RAB5B: variants seen among roughly 807,000 people sequenced by gnomAD.
The protein encoded by RAB5B is RAB5B, member RAS oncogene family, also known as ras-related protein Rab-5B.
RAB5B carries 11 observed loss-of-function variants against 28.6 expected under a neutral mutation model. The ratio of observed to expected loss-of-function variants is 0.38; its 90% CI spans 0.24 to 0.64. The LOEUF is 0.64. RAB5B is among the 30% of genes least tolerant of loss of function. The probability of loss-of-function intolerance (pLI) is 0.53; values close to 1 mark genes in which losing one functional copy is unlikely to be tolerated. For missense variants in RAB5B, 169 were observed against 265.6 expected (o/e 0.64, Z 2.53); for synonymous variants, 93 against 97.9 (o/e 0.95, Z 0.29).
At chr12:55,974,374 C>A (rs1341448478) in intron 1 of RAB5B, among the ~76,000 whole-genome samples, 1 of 152,124 alleles carries the variant, frequency 6.6e-6, no homozygotes, top group Non-Finnish European at 1.5e-5. Flanking sequence ...GTGGCGGCGG[C>A]CAGGCCGAGG....
rs1452580084 is a variant in RAB5B, at chr12:55,993,588, T to C, written c.*1376T>C. ...TTTTCTACTTCCTTGTAAATAGGTA[T>C]GATCTTTATTCCCACTGTACAGTCT... On this transcript the variant is annotated 3_prime_UTR_variant, in exon 6 of 6. Coordinates refer to ENST00000360299, the MANE Select transcript of RAB5B (RefSeq NM_002868.4). 5 of 152,648 alleles carry C rather than the reference T, an allele frequency of 3.3e-5. No homozygotes were observed. The highest frequency in any genetic ancestry group is 1.2e-4 in the African/African-American group (5 of 41,442). 9.5% of individuals were successfully genotyped at this position (152,648 alleles called of 1,614,324 possible).
At chr12:55,985,343 A>C (rs1476997388) in intron 1 of RAB5B, among the ~76,000 whole-genome samples, 2 of 152,240 alleles carry the variant, frequency 1.3e-5, no homozygotes, top group African/African-American at 4.8e-5. Context: ...TTCCCCACAT[A>C]TGCCATAGAG....
chr12:55,989,142 A>G (rs542416729), intron 2 of RAB5B, among the ~76,000 whole-genome samples: 22 of 145,240 alleles, frequency 1.5e-4, no homozygotes, highest in African/African-American at 5.3e-4. Context: ...GGGTTTCACT[A>G]TGTTGGCCAG....
In RAB5B at chr12:55,992,673, G is replaced by A. The variant is rs1297574060; in HGVS notation, c.*461G>A. Reference sequence around the variant, plus strand: ...GTGAACCCAGGAACTGAGGAAGGAGGTTTCCAGTTCATTTACATTAAGGGC... The same window carrying A: ...GTGAACCCAGGAACTGAGGAAGGAGATTTCCAGTTCATTTACATTAAGGGC... On this transcript the variant is annotated 3_prime_UTR_variant, in exon 6 of 6. Transcript: ENST00000360299. 1.5e-5 allele frequency: 6 copies of A among 392,900 alleles called. No homozygotes were observed. Among genetic ancestry groups the A allele is most frequent in the Non-Finnish European group, 2.9e-5 (6 of 207,998 alleles). 24.3% of individuals were successfully genotyped at this position (392,900 alleles called of 1,614,324 possible). A position where few individuals can be genotyped will look rare whatever the true frequency, so the allele number is the denominator to read the frequency against.
In RAB5B at chr12:55,986,800, CCTT is replaced by C. The variant is rs148549210; in HGVS notation, c.-92-66_-92-64del. On this transcript the variant is annotated intron_variant, in intron 1 of 5. Transcript: ENST00000360299. ...AAGCAAGGAGATGAAGAGGTTCTAT[CCTT>C]CTCTGAAAAGCGATTGCAGCTTCAA... 8.5e-3 allele frequency: 5,570 copies of C among 651,466 alleles called. 240 individuals are homozygous for C. The African/African-American group carries it at 0.09, about 11-fold the overall frequency. The allele number at this position is 651,466 out of a possible 1,614,324, so 40.4% of individuals were successfully genotyped here. A position where few individuals can be genotyped will look rare whatever the true frequency, so the allele number is the denominator to read the frequency against.
Position 55,992,264 on chromosome 12 carries a change from A to T in RAB5B, c.*52A>T. On this transcript the variant is annotated 3_prime_UTR_variant, in exon 6 of 6. Coordinates refer to ENST00000360299, the MANE Select transcript of RAB5B (RefSeq NM_002868.4). ...GGAGCTAGCACAAGAGCTAAGAAAT[A>T]ACCTCCATCCCTACCCCTCAGCACA... 5 of 1,451,870 alleles carry T rather than the reference A, an allele frequency of 3.4e-6. No homozygotes were observed. Among genetic ancestry groups the T allele is most frequent in the Non-Finnish European group, 4.8e-6 (5 of 1,037,458 alleles). The allele number at this position is 1,451,870 out of a possible 1,614,324, so 89.9% of individuals were successfully genotyped here.
Position 55,990,777 on chromosome 12 carries a change from G to A in RAB5B, c.411G>A (p.Leu137=). ...VIALAGNKAD[L]ANKRMVEYEE... is the part of the protein sequence containing the mutation. ...CCCTGGCAGGGAACAAAGCTGACCTGGCCAACAAACGTATGGTGGAGTATG... is the reference window on the plus strand; with the variant it reads ...CCCTGGCAGGGAACAAAGCTGACCTAGCCAACAAACGTATGGTGGAGTATG... Residue 137 remains leucine (L), a synonymous_variant, in exon 4 of 6, where the codon CTG becomes CTA. Coordinates refer to ENST00000360299, the MANE Select transcript of RAB5B (RefSeq NM_002868.4). 1 of 1,614,084 alleles carries A rather than the reference G, an allele frequency of 6.2e-7. No individual in the cohort carries two copies. The highest frequency in any genetic ancestry group is 8.5e-7 in the Non-Finnish European group (1 of 1,179,956).
rs1890278218 is a variant in RAB5B, at chr12:55,995,950, T to TCTCTCTCACTCTCTCTCTCTCC, written c.*3739_*3760dup. 1.5e-5 allele frequency: 2 copies of TCTCTCTCACTCTCTCTCTCTCC among 136,782 alleles called. No homozygotes were observed. Among genetic ancestry groups the TCTCTCTCACTCTCTCTCTCTCC allele is most frequent in the East Asian group, 2.0e-4 (1 of 4,956 alleles). The allele number at this position is 136,782 out of a possible 1,614,324, so 8.5% of individuals were successfully genotyped here. A position where few individuals can be genotyped will look rare whatever the true frequency, so the allele number is the denominator to read the frequency against. On this transcript the variant is annotated 3_prime_UTR_variant, in exon 6 of 6. Coordinates refer to ENST00000360299, the MANE Select transcript of RAB5B (RefSeq NM_002868.4). The stretch of plus-strand genomic sequence containing the variant: ...CTCTCCCTCTTTCTCCCTCTCTCTC[T>TCTCTCTCACTCTCTCTCTCTCC]CTCTCTCACTCTCTCTCTCTCCATA...
chr12:55,986,455 GA>G (rs1193944781), intron 1 of RAB5B, among the ~76,000 whole-genome samples: 1 of 151,972 alleles, frequency 6.6e-6, no homozygotes, highest in Admixed American at 6.6e-5. Flanking sequence ...AAAAAAAGAA[GA>G]AAAGGAAAAG....
rs1565789615 is a variant in RAB5B, at chr12:55,990,664, C to G, written c.316-18C>G. Reference sequence around the variant, plus strand: ...TGGCAGTCATTCCAGCCTACTCATTCTCTTCATGTTTTCCTAGGAAACCTT... The same window carrying G: ...TGGCAGTCATTCCAGCCTACTCATTGTCTTCATGTTTTCCTAGGAAACCTT... On this transcript the variant is annotated intron_variant, in intron 3 of 5. Coordinates refer to ENST00000360299, the MANE Select transcript of RAB5B (RefSeq NM_002868.4). The G allele has an allele frequency of 6.2e-7, 1 of 1,612,722 alleles. No homozygotes were observed. The highest frequency in any genetic ancestry group is 1.7e-5 in the Admixed American group (1 of 59,944).
At chr12:55,982,975 A>G (rs777998762) in intron 1 of RAB5B, among the ~76,000 whole-genome samples, 19 of 152,284 alleles carry the variant, frequency 1.2e-4, no homozygotes, top group Admixed American at 5.9e-4. Context: ...AACTTTTTCT[A>G]TTGTTTCTTG....
At position 55,990,167 on chromosome 12, in the gene RAB5B, T is replaced by C. The variant is rs575964914; in HGVS notation, c.315+69T>C. The C allele has an allele frequency of 4.5e-5, 67 of 1,488,936 alleles. No homozygotes were observed. In the South Asian group the frequency reaches 8.3e-4, roughly 18 times the overall value. 92.2% of individuals were successfully genotyped at this position (1,488,936 alleles called of 1,614,324 possible). A position where few individuals can be genotyped will look rare whatever the true frequency, so the allele number is the denominator to read the frequency against. ...GCTTACGCCTATAATCCCAACACTTTAGGATGCCAAGGCGGGAGGATCATG... is the reference window on the plus strand; with the variant it reads ...GCTTACGCCTATAATCCCAACACTTCAGGATGCCAAGGCGGGAGGATCATG... On this transcript the variant is annotated intron_variant, in intron 3 of 5. Transcript: ENST00000360299.
chr12:55,986,333 G>C (rs1889950244), intron 1 of RAB5B, among the ~76,000 whole-genome samples: 1 of 152,188 alleles, frequency 6.6e-6, no homozygotes, highest in Non-Finnish European at 1.5e-5. Context: ...TGTAATCCCA[G>C]CTACTCGGGA....
chr12:55,980,513 C>T (rs1889773076), intron 1 of RAB5B: 4 of 1,587,894 alleles, frequency 2.5e-6, no homozygotes, highest in Non-Finnish European at 3.5e-6. Context: ...TCTCCGGCCT[C>T]CTGACTTGAG....
chr12:55,991,716 CAA>C (rs903707937), intron 5 of RAB5B: 11 of 425,644 alleles, frequency 2.6e-5, no homozygotes, highest in African/African-American at 2.2e-4. Context: ...ATCACGAGGT[CAA>C]GAGATCAAGA....
intron 1 of RAB5B, among the ~76,000 whole-genome samples, chr12:55,986,162 G>A (rs1358542752): frequency 1.3e-5 from 2 of 152,058 alleles, no homozygotes; most frequent in Non-Finnish European, 2.9e-5. Context: ...AAAATGAAAA[G>A]AAGGCCAGGC....
intron 3 of RAB5B, among the ~76,000 whole-genome samples, 196 bp from the exon 4 acceptor site, chr12:55,990,486 G>C (rs962374745): frequency 6.6e-6 from 1 of 152,012 alleles, no homozygotes; most frequent in Non-Finnish European, 1.5e-5. Flanking sequence ...GGCAGAAAAC[G>C]GGTTCTTGAA....
chr12:55,986,851 C>A lies in RAB5B; in HGVS notation c.-92-18C>A, dbSNP rs1324732843. Reference sequence around the variant, plus strand: ...CAATGGACGTATGTTTAATTTTATTCACTTTTTTTTCTTGCAGGAGTGTTG... The same window carrying A: ...CAATGGACGTATGTTTAATTTTATTAACTTTTTTTTCTTGCAGGAGTGTTG... On this transcript the variant is annotated intron_variant, in intron 1 of 5. Transcript: ENST00000360299. 3 of 828,830 alleles carry A rather than the reference C, an allele frequency of 3.6e-6. No individual in the cohort carries two copies. Among genetic ancestry groups the A allele is most frequent in the Non-Finnish European group, 6.0e-6 (3 of 503,970 alleles). The allele number at this position is 828,830 out of a possible 1,614,324, so 51.3% of individuals were successfully genotyped here.
At chr12:55,975,124 C>T (rs1363500220) in intron 1 of RAB5B, among the ~76,000 whole-genome samples, 1 of 152,108 alleles carries the variant, frequency 6.6e-6, no homozygotes, top group African/African-American at 2.4e-5. Flanking sequence ...TACCATGTCT[C>T]CTAGAACTGA....
Sources: gnomAD v4.1 joint callset for allele counts (sites outside exome capture counted in the v4.1 genomes callset) on GRCh38, gnomAD v4.1.1 for gene constraint, MANE v1.5 for transcripts, NCBI Gene and HGNC (gene_info 2026-07-23, HGNC 2026-07-21) for gene names.